The following ZBTB7C variants were observed in gnomAD, a reference collection of about 807,000 sequenced individuals.
ZBTB7C encodes zinc finger and BTB domain-containing protein 7C.
Under a neutral mutation model 25.7 loss-of-function variants are expected in ZBTB7C, and 8 were observed. The ratio of observed to expected loss-of-function variants is 0.31; its 90% CI spans 0.18 to 0.56. ZBTB7C has a LOEUF of 0.56. Ranked by LOEUF, ZBTB7C falls within the 20% of genes least tolerant of loss-of-function variation. The pLI is 0.91. For missense variants in ZBTB7C, 824 were observed against 855.2 expected (o/e 0.96, Z 0.46); for synonymous variants, 394 against 369.0 (o/e 1.07, Z -0.78).
intron 2 of ZBTB7C, among the ~76,000 whole-genome samples, chr18:48,196,770 C>T (rs1177782843): frequency 6.6e-6 from 1 of 152,134 alleles, no homozygotes; most frequent in South Asian, 2.1e-4. Context: ...CAATGAACCA[C>T]CCAACCGACC....
rs191588315 is a variant in ZBTB7C at position 48,092,104 on chromosome 18, C to A, written c.-16-50981G>T. On this transcript the variant is annotated intron_variant, in intron 3 of 4. Transcript: ENST00000590800. ...ATAATAAGGGCACCATCCACCCAAT[C>A]AGCCCAAGTGCTTGTTTCTCCATAG... 3.8e-4 allele frequency among the ~76,000 whole-genome samples: 58 copies of A among 152,354 alleles called. 1 individual carries two copies. The East Asian group carries it at 7.2e-3, about 19-fold the overall frequency.
chr18:48,079,632 C>T (rs903267821), intron 3 of ZBTB7C, among the ~76,000 whole-genome samples: 1 of 152,204 alleles, frequency 6.6e-6, no homozygotes, highest in Admixed American at 6.5e-5. Context: ...GCCACAATGG[C>T]CTAAGGAGAA....
chr18:48,063,059 T>G (rs1016675388), intron 3 of ZBTB7C, among the ~76,000 whole-genome samples: 2 of 152,216 alleles, frequency 1.3e-5, no homozygotes, highest in Non-Finnish European at 2.9e-5. Flanking sequence ...TTCTCATCCC[T>G]GAGATTACCC....
intron 1 of ZBTB7C, among the ~76,000 whole-genome samples, chr18:48,389,231 TCTCTCG>T (rs2047831081): frequency 1.4e-5 from 1 of 70,198 alleles, no homozygotes; most frequent in Non-Finnish European, 2.7e-5. Context: ...TCTCTCTCTC[TCTCTCG>T]TGTGTGTGTG....
intron 1 of ZBTB7C, among the ~76,000 whole-genome samples, chr18:48,360,577 G>A (rs1286984859): frequency 2.0e-5 from 3 of 152,232 alleles, no homozygotes; most frequent in African/African-American, 7.2e-5. Context: ...GAAGGAGCCA[G>A]GGGAGGGAGA....
intron 2 of ZBTB7C, among the ~76,000 whole-genome samples, chr18:48,201,315 T>C (rs1048801747): frequency 3.3e-5 from 5 of 152,188 alleles, no homozygotes; most frequent in Admixed American, 2.0e-4. Flanking sequence ...CAGACATGCA[T>C]GAATGCTGGG....
intron 4 of ZBTB7C, among the ~76,000 whole-genome samples, chr18:48,038,575 G>T (rs1362620087): frequency 1.4e-5 from 2 of 145,314 alleles, no homozygotes; most frequent in Non-Finnish European, 1.5e-5. Context: ...TCCTGGAAAA[G>T]CATAGTCCCT....
At chr18:48,145,397 A>G (rs915489833) in intron 3 of ZBTB7C, among the ~76,000 whole-genome samples, 5 of 152,130 alleles carry the variant, frequency 3.3e-5, no homozygotes, top group African/African-American at 1.2e-4. Context: ...TTGACACTTC[A>G]GCCCCTCAAC....
At chr18:48,071,575 G>A (rs1011838001) in intron 3 of ZBTB7C, among the ~76,000 whole-genome samples, 9 of 152,186 alleles carry the variant, frequency 5.9e-5, no homozygotes, top group African/African-American at 1.2e-4. Context: ...TGTGGCAAAC[G>A]CTAGGGAGGT....
chr18:48,063,305 TC>T (rs963993991), intron 3 of ZBTB7C, among the ~76,000 whole-genome samples: 6 of 152,178 alleles, frequency 3.9e-5, no homozygotes, highest in African/African-American at 1.4e-4. Context: ...CAGGGGCTTT[TC>T]CCCCCCAGCT....
At chr18:48,256,814 T>C (rs920700338) in intron 2 of ZBTB7C, among the ~76,000 whole-genome samples, 1 of 152,024 alleles carries the variant, frequency 6.6e-6, no homozygotes, top group Non-Finnish European at 1.5e-5. Context: ...TACAGATATA[T>C]ATTATAAACC....
At chr18:48,189,761 C>T (rs1050352323) in intron 2 of ZBTB7C, among the ~76,000 whole-genome samples, 14 of 152,154 alleles carry the variant, frequency 9.2e-5, no homozygotes, top group African/African-American at 3.1e-4. Flanking sequence ...CGACCTGGCT[C>T]GCCTTGCTCT....
intron 3 of ZBTB7C, among the ~76,000 whole-genome samples, chr18:48,088,689 G>C (rs2038288759): frequency 6.6e-6 from 1 of 151,964 alleles, no homozygotes; most frequent in Admixed American, 6.6e-5. Context: ...AATTAGCCGG[G>C]TGTGGTGGTG....
At chr18:48,111,935 T>C (rs905636181) in intron 3 of ZBTB7C, among the ~76,000 whole-genome samples, 5 of 152,302 alleles carry the variant, frequency 3.3e-5, no homozygotes, top group African/African-American at 1.2e-4. Flanking sequence ...TAATAAATAG[T>C]TAAGTATGTA....
chr18:48,333,686 G>A (rs62086491), intron 2 of ZBTB7C, among the ~76,000 whole-genome samples: 4 of 152,278 alleles, frequency 2.6e-5, no homozygotes, highest in South Asian at 4.2e-4. Flanking sequence ...TTTAGGATTC[G>A]TGACAGCCTT....
intron 1 of ZBTB7C, among the ~76,000 whole-genome samples, chr18:48,371,648 A>G (rs1490764671): frequency 6.6e-6 from 1 of 152,206 alleles, no homozygotes; most frequent in Non-Finnish European, 1.5e-5. Flanking sequence ...GCTCAGTGAG[A>G]GCATGGCCAG....
chr18:48,353,888 C>A (rs1163106384), intron 1 of ZBTB7C, among the ~76,000 whole-genome samples: 1 of 152,122 alleles, frequency 6.6e-6, no homozygotes, highest in African/African-American at 2.4e-5. Flanking sequence ...GAGGGGGGTC[C>A]AAAGGGCCAT....
intron 1 of ZBTB7C, among the ~76,000 whole-genome samples, chr18:48,344,993 G>A (rs747015397): frequency 2.6e-5 from 4 of 152,186 alleles, no homozygotes; most frequent in African/African-American, 7.2e-5. Context: ...GAGGTTTTCT[G>A]TATTTTAAGC....
rs2043160347 is a variant in ZBTB7C at position 48,228,419 on chromosome 18, C to G, written c.-78-42424G>C. ...TGCCTGGCACAGACAGCACTGGGTCCTTGCTATGAGAGAAGGTTATGGCAC... is the reference window on the plus strand; with the variant it reads ...TGCCTGGCACAGACAGCACTGGGTCGTTGCTATGAGAGAAGGTTATGGCAC... On this transcript the variant is annotated intron_variant, in intron 2 of 4. Transcript: ENST00000590800. Among the ~76,000 whole-genome samples, 4 of 152,168 alleles carry G rather than the reference C, an allele frequency of 2.6e-5. No individual in the cohort carries two copies. In the South Asian group the frequency reaches 8.3e-4, roughly 32 times the overall value.
Sources: gnomAD v4.1 joint callset for allele counts (sites outside exome capture counted in the v4.1 genomes callset) on GRCh38, gnomAD v4.1.1 for gene constraint, MANE v1.5 for transcripts, NCBI Gene and HGNC (gene_info 2026-07-23, HGNC 2026-07-21) for gene names.